Variants in SND1 observed in about 807,000 individuals in gnomAD.
SND1 encodes staphylococcal nuclease and tudor domain containing 1, also known as staphylococcal nuclease domain-containing protein 1.
A neutral mutation model predicts 121.7 loss-of-function variants in SND1; 38 were observed. The observed-to-expected ratio is 0.31, with a 90% CI of 0.24 to 0.41. The LOEUF (loss-of-function observed/expected upper bound fraction) is 0.41. Ranked by LOEUF, SND1 falls within the 10% of genes least tolerant of loss-of-function variation. The pLI, the probability that SND1 is intolerant of heterozygous loss-of-function variation, is 1.00. For synonymous variants in SND1, 401 were observed against 447.4 expected (o/e 0.90, Z 1.31); for missense variants, 868 against 1,184.6 (o/e 0.73, Z 3.92).
At chr7:127,671,001 A>C (rs891715218) in intron 1 of SND1, among the ~76,000 whole-genome samples, 6 of 152,250 alleles carry the variant, frequency 3.9e-5, no homozygotes, top group African/African-American at 1.4e-4. Flanking sequence ...AAAGATAATG[A>C]AACAGTGCAT....
rs559237581 is a variant in SND1, at chr7:127,717,742, T to C, written c.1039-3545T>C. On this transcript the variant is annotated intron_variant, in intron 9 of 23. Coordinates refer to ENST00000354725, the MANE Select transcript of SND1 (RefSeq NM_014390.4). ...GAAGGCCCTTTTGGGCTGAGAATCCTTTTGTTTCTATCTGGTACTGGAAAT... is the reference window on the plus strand; with the variant it reads ...GAAGGCCCTTTTGGGCTGAGAATCCCTTTGTTTCTATCTGGTACTGGAAAT... Among the ~76,000 whole-genome samples, 33 of 152,328 alleles carry C rather than the reference T, an allele frequency of 2.2e-4. No homozygotes were observed. The South Asian group carries it at 6.8e-3, about 32-fold the overall frequency.
chr7:128,065,420 C>G (rs1182073585), intron 16 of SND1, among the ~76,000 whole-genome samples: 1 of 152,196 alleles, frequency 6.6e-6, no homozygotes, highest in Non-Finnish European at 1.5e-5. Flanking sequence ...GGGAACAGGG[C>G]AGGGGTCTGT....
chr7:127,930,982 T>A (rs1383488889), intron 15 of SND1, among the ~76,000 whole-genome samples: 4 of 152,228 alleles, frequency 2.6e-5, no homozygotes. Context: ...TTATATCTGT[T>A]ATGGTGATCT....
chr7:128,032,749 C>T (rs563452221), intron 16 of SND1, among the ~76,000 whole-genome samples: 169 of 152,298 alleles, frequency 1.1e-3, no homozygotes, highest in African/African-American at 3.8e-3. Context: ...ACGAGGCTCC[C>T]AGGACCGAGA....
At chr7:128,081,862 C>A (rs757397082) in intron 18 of SND1, 1 of 543,596 alleles carries the variant, frequency 1.8e-6, no homozygotes, top group African/African-American at 1.9e-5. Flanking sequence ...GATTTGTAGC[C>A]CCCAGAATCT....
intron 1 of SND1, among the ~76,000 whole-genome samples, chr7:127,673,910 C>T (rs1189010005): frequency 6.6e-6 from 1 of 152,120 alleles, no homozygotes; most frequent in Non-Finnish European, 1.5e-5. Flanking sequence ...TGTACTTTCC[C>T]TGCCGCAACC....
chr7:127,718,533 TA>T, intron 9 of SND1: 1 of 984,528 alleles, frequency 1.0e-6, no homozygotes, highest in Non-Finnish European at 1.2e-6. Flanking sequence ...ACCAGCAAGC[TA>T]AACCTTGCTT....
At position 128,091,661 on chromosome 7, in the gene SND1, A is replaced by G. The variant is rs114462722; in HGVS notation, c.2623-176A>G. ...GAGCTAGTGCGAAGAGTTAAGGGAA[A>G]AGCCAGGAGACTAATGTGATTGTGT... On this transcript the variant is annotated intron_variant, in intron 22 of 23. Coordinates refer to ENST00000354725, the MANE Select transcript of SND1 (RefSeq NM_014390.4). Among the ~76,000 whole-genome samples, 1,145 of 152,268 alleles carry G rather than the reference A, an allele frequency of 7.5e-3. 13 individuals are homozygous for G. Among genetic ancestry groups the G allele is most frequent in the African/African-American group, 0.024 (1,012 of 41,548 alleles).
chr7:127,975,250 G>A (rs1802086035), intron 15 of SND1, among the ~76,000 whole-genome samples: 1 of 152,146 alleles, frequency 6.6e-6, no homozygotes, highest in Admixed American at 6.5e-5. Flanking sequence ...TTTTTGAGCA[G>A]GCCACTTGTT....
intron 10 of SND1, among the ~76,000 whole-genome samples, chr7:127,728,660 G>T (rs1436065739): frequency 2.6e-5 from 4 of 152,216 alleles, no homozygotes; most frequent in Non-Finnish European, 2.9e-5. Context: ...GCCAGGAATG[G>T]CAGGGTCTTC....
intron 16 of SND1, among the ~76,000 whole-genome samples, chr7:128,005,627 G>C (rs1802955685): frequency 6.6e-6 from 1 of 152,250 alleles, no homozygotes; most frequent in South Asian, 2.1e-4. Flanking sequence ...CTGTTAGGTT[G>C]CTGATTTACA....
chr7:127,926,838 G>A (rs928238895), intron 14 of SND1, among the ~76,000 whole-genome samples: 2 of 151,844 alleles, frequency 1.3e-5, no homozygotes, highest in Admixed American at 6.6e-5. Flanking sequence ...TGATTTGCCT[G>A]CCTCAGCCTC....
intron 22 of SND1, among the ~76,000 whole-genome samples, chr7:128,090,656 A>G (rs961129384): frequency 2.6e-5 from 4 of 151,978 alleles, no homozygotes; most frequent in Non-Finnish European, 5.9e-5. Flanking sequence ...TCTCTCTTCC[A>G]TTCGCCCACT....
chr7:127,809,514 C>T (rs146752114), intron 11 of SND1, among the ~76,000 whole-genome samples: 2 of 152,308 alleles, frequency 1.3e-5, no homozygotes, highest in Non-Finnish European at 2.9e-5. Context: ...CAGTTGCTGC[C>T]TCAGGGGAGT....
rs780444374 is a variant in SND1, at chr7:127,844,308, G to A, written c.1243-16G>A. 1 of 1,609,648 alleles carries A rather than the reference G, an allele frequency of 6.2e-7. No individual in the cohort carries two copies. The highest frequency in any genetic ancestry group is 1.7e-5 in the Admixed American group (1 of 59,744). ...GCAGACTCTCAACCCTAATTCCCTT[G>A]ATTCTTTGTTTCCAGGTCAATGTGA... On this transcript the variant is annotated splice_polypyrimidine_tract_variant and intron_variant, in intron 11 of 23. Transcript: ENST00000354725.
rs180834719 is a variant in SND1 at position 127,832,225 on chromosome 7, G to A, written c.1243-12099G>A. Among the ~76,000 whole-genome samples, 3 of 152,256 alleles carry A rather than the reference G, an allele frequency of 2.0e-5. No homozygotes were observed. In the East Asian group the frequency reaches 5.8e-4, roughly 29 times the overall value. Reference sequence around the variant, plus strand: ...TGTGTTAAACTACTATGAATGCAAAGGACACCACATTTGTACATACATCTT... The same window carrying A: ...TGTGTTAAACTACTATGAATGCAAAAGACACCACATTTGTACATACATCTT... On this transcript the variant is annotated intron_variant, in intron 11 of 23. Coordinates refer to ENST00000354725, the MANE Select transcript of SND1 (RefSeq NM_014390.4).
intron 16 of SND1, among the ~76,000 whole-genome samples, chr7:127,992,476 T>C (rs1690149613): frequency 6.6e-6 from 1 of 152,216 alleles, no homozygotes; most frequent in South Asian, 2.1e-4. Flanking sequence ...ACTATGTTGG[T>C]AAAAGCAGGT....
chr7:127,680,002 TA>T (rs1259780673), intron 1 of SND1, among the ~76,000 whole-genome samples: 3 of 152,156 alleles, frequency 2.0e-5, no homozygotes, highest in Non-Finnish European at 4.4e-5. Flanking sequence ...CTATTTTCCC[TA>T]AGCGTCGGCT....
intron 15 of SND1, among the ~76,000 whole-genome samples, chr7:127,971,962 A>G (rs1801999821): frequency 6.6e-6 from 1 of 151,602 alleles, no homozygotes; most frequent in Non-Finnish European, 1.5e-5. Context: ...TTTAGTAGAG[A>G]CCAGGTTTCA....
Sources: allele counts gnomAD v4.1 joint callset (sites outside exome capture counted in the v4.1 genomes callset), GRCh38; gene constraint gnomAD v4.1.1; transcripts MANE v1.5; gene names NCBI Gene and HGNC (gene_info 2026-07-23, HGNC 2026-07-21).